The following CTNND2 variants were observed in gnomAD, a reference collection of about 807,000 sequenced individuals.
The protein encoded by CTNND2 is catenin delta-2.
CTNND2 carries 22 observed loss-of-function variants against 144.4 expected under a neutral mutation model. The ratio of observed to expected loss-of-function variants is 0.15; its 90% CI spans 0.11 to 0.22. CTNND2 has a LOEUF of 0.22. CTNND2 is among the 10% of genes least tolerant of loss of function. The pLI is 1.00. For missense variants in CTNND2, 1,353 were observed against 1,618.8 expected (o/e 0.84, Z 2.82); for synonymous variants, 751 against 695.6 (o/e 1.08, Z -1.25).
chr5:11,337,225 T>C (rs1557758), intron 9 of CTNND2, among the ~76,000 whole-genome samples: 2,147 of 152,318 alleles, frequency 0.014, 53 homozygotes, highest in African/African-American at 0.048. Context: ...CTGGAGTGTT[T>C]AGATTTCACA....
chr5:11,171,441 T>G (rs767742376), intron 11 of CTNND2, among the ~76,000 whole-genome samples: 4 of 152,216 alleles, frequency 2.6e-5, no homozygotes, highest in Non-Finnish European at 5.9e-5. Context: ...CTGCTGATCA[T>G]GCTCAAATTT....
At chr5:11,240,290 A>AC (rs1742138011) in intron 9 of CTNND2, among the ~76,000 whole-genome samples, 3 of 106,418 alleles carry the variant, frequency 2.8e-5, no homozygotes, top group Non-Finnish European at 3.8e-5. Flanking sequence ...CACACACTCA[A>AC]ACACACACCC....
At chr5:11,239,723 C>G (rs1262847632) in intron 9 of CTNND2, among the ~76,000 whole-genome samples, 3 of 152,214 alleles carry the variant, frequency 2.0e-5, no homozygotes, top group Non-Finnish European at 2.9e-5. Context: ...CTGCTCCTGT[C>G]CTCCTGTCCC....
At chr5:11,149,259 G>A (rs895851779) in intron 12 of CTNND2, among the ~76,000 whole-genome samples, 3 of 152,126 alleles carry the variant, frequency 2.0e-5, no homozygotes, top group South Asian at 2.1e-4. Context: ...CACCCATCAC[G>A]GTGACGCTTT....
chr5:11,467,402 T>C (rs1766782695), intron 3 of CTNND2, among the ~76,000 whole-genome samples: 1 of 152,238 alleles, frequency 6.6e-6, no homozygotes, highest in African/African-American at 2.4e-5. Context: ...GCTTTGCTTA[T>C]GTCGGAGGCT....
chr5:11,386,500 T>C (rs1287097235), intron 6 of CTNND2, among the ~76,000 whole-genome samples: 1 of 152,222 alleles, frequency 6.6e-6, no homozygotes, highest in African/African-American at 2.4e-5. Context: ...GGATGTCAAG[T>C]TCATATGCAG....
chr5:11,858,969 C>T (rs1407856160), intron 1 of CTNND2, among the ~76,000 whole-genome samples: 1 of 152,150 alleles, frequency 6.6e-6, no homozygotes, highest in Non-Finnish European at 1.5e-5. Flanking sequence ...ATAAAACTAG[C>T]TAATATGTCA....
intron 10 of CTNND2, among the ~76,000 whole-genome samples, chr5:11,201,826 A>G (rs1372514007): frequency 1.3e-5 from 2 of 152,194 alleles, no homozygotes; most frequent in African/African-American, 4.8e-5. Flanking sequence ...AAACAACTTT[A>G]CCCAACTTAC....
intron 16 of CTNND2, among the ~76,000 whole-genome samples, chr5:11,044,516 A>T (rs1342861891): frequency 7.4e-6 from 1 of 135,530 alleles, no homozygotes; most frequent in Non-Finnish European, 1.6e-5. Flanking sequence ...GTGAGTAGAA[A>T]CAACACATGC....
intron 1 of CTNND2, among the ~76,000 whole-genome samples, chr5:11,783,155 A>C (rs115611249): frequency 0.014 from 2,094 of 152,262 alleles, 45 homozygotes; most frequent in African/African-American, 0.045. Flanking sequence ...TCTTTCTCCC[A>C]GGCTCCCCAG....
chr5:11,124,735 T>C (rs1754499315), intron 12 of CTNND2, among the ~76,000 whole-genome samples: 1 of 152,226 alleles, frequency 6.6e-6, no homozygotes, highest in African/African-American at 2.4e-5. Flanking sequence ...GAAGCTCAGA[T>C]ATAGGATTCA....
At chr5:11,170,432 A>T (rs1172255399) in intron 11 of CTNND2, among the ~76,000 whole-genome samples, 1 of 152,234 alleles carries the variant, frequency 6.6e-6, no homozygotes, top group East Asian at 1.9e-4. Context: ...TTCATACAAC[A>T]TGATATTTTG....
chr5:11,066,263 C>T (rs1282522305), intron 16 of CTNND2, among the ~76,000 whole-genome samples: 1 of 152,212 alleles, frequency 6.6e-6, no homozygotes, highest in Non-Finnish European at 1.5e-5. Flanking sequence ...TGGTCTCAAT[C>T]TCTTGACCTC....
chr5:11,767,027 T>C (rs1391886252), intron 1 of CTNND2, among the ~76,000 whole-genome samples: 1 of 152,002 alleles, frequency 6.6e-6, no homozygotes, highest in Non-Finnish European at 1.5e-5. Flanking sequence ...ACTCCATCCA[T>C]CTACATTGTC....
chr5:11,065,903 C>T (rs1747518297), intron 16 of CTNND2, among the ~76,000 whole-genome samples: 1 of 152,190 alleles, frequency 6.6e-6, no homozygotes, highest in African/African-American at 2.4e-5. Flanking sequence ...CTTTTTATCG[C>T]AGGCCCTCCC....
intron 2 of CTNND2, among the ~76,000 whole-genome samples, chr5:11,706,515 T>C (rs1785700722): frequency 6.6e-6 from 1 of 152,170 alleles, no homozygotes; most frequent in African/African-American, 2.4e-5. Context: ...TAAAGGCAGA[T>C]AAGCACCACC....
At chr5:11,195,362 C>T (rs1203487474) in intron 11 of CTNND2, among the ~76,000 whole-genome samples, 1 of 151,912 alleles carries the variant, frequency 6.6e-6, no homozygotes. Flanking sequence ...TTTTCAGGAA[C>T]TTATGAGAGA....
At chr5:11,688,856 A>C (rs1784773794) in intron 2 of CTNND2, among the ~76,000 whole-genome samples, 1 of 152,234 alleles carries the variant, frequency 6.6e-6, no homozygotes, top group African/African-American at 2.4e-5. Context: ...ATAATGCAGC[A>C]GCACTTGGTG....
chr5:11,397,217 C>A lies in CTNND2; in HGVS notation c.440-14G>T. ...GCAGGCTGGGCCCTGCATTGAAAGT[C>A]ATTTAGAGCAGTCAGTGACAGTCTC... On this transcript the variant is annotated splice_polypyrimidine_tract_variant and intron_variant, in intron 5 of 21. Coordinates refer to ENST00000304623, the MANE Select transcript of CTNND2 (RefSeq NM_001332.4). 1.9e-6 allele frequency: 3 copies of A among 1,611,156 alleles called. No homozygotes were observed. Among genetic ancestry groups the A allele is most frequent in the South Asian group, 2.2e-5 (2 of 90,828 alleles).
Sources: allele counts gnomAD v4.1 joint callset (sites outside exome capture counted in the v4.1 genomes callset), GRCh38; gene constraint gnomAD v4.1.1; transcripts MANE v1.5; gene names NCBI Gene and HGNC (gene_info 2026-07-23, HGNC 2026-07-21).